The following ALCAM variants were observed in gnomAD, a reference collection of about 807,000 sequenced individuals.
ALCAM encodes CD166 antigen.
A neutral mutation model predicts 70.9 loss-of-function variants in ALCAM; 30 were observed. That is an observed-to-expected ratio of 0.42 (90% confidence interval 0.32 to 0.57). ALCAM has a LOEUF of 0.57. Among genes scored for constraint, ALCAM ranks in the 20% least tolerant of loss-of-function variants. The pLI, the probability that ALCAM is intolerant of heterozygous loss-of-function variation, is 0.11. For missense variants in ALCAM, 591 were observed against 695.1 expected, an observed-to-expected ratio of 0.85 and a Z score of 1.68; for synonymous variants, 249 against 242.5, an observed-to-expected ratio of 1.03 and a Z score of -0.25.
intron 14 of ALCAM, among the ~76,000 whole-genome samples, chr3:105,561,438 A>G (rs765448451): frequency 6.6e-6 from 1 of 152,064 alleles, no homozygotes; most frequent in Non-Finnish European, 1.5e-5. Context: ...CAGAATGGAC[A>G]CCTTTGCGTG....
At chr3:105,436,642 C>G (rs1937055706) in intron 1 of ALCAM, among the ~76,000 whole-genome samples, 1 of 152,104 alleles carries the variant, frequency 6.6e-6, no homozygotes, top group African/African-American at 2.4e-5. Flanking sequence ...ATTAATAGTT[C>G]TAGCAAAAGT....
At chr3:105,538,698 G>T (rs766199054) in intron 6 of ALCAM, among the ~76,000 whole-genome samples, 29 of 152,090 alleles carry the variant, frequency 1.9e-4, no homozygotes, top group Non-Finnish European at 3.7e-4. Context: ...AAGCAAGAGA[G>T]GCCCGGAAAC....
chr3:105,453,369 G>T (rs1404007883), intron 1 of ALCAM, among the ~76,000 whole-genome samples: 1 of 152,158 alleles, frequency 6.6e-6, no homozygotes, highest in Admixed American at 6.5e-5. Flanking sequence ...GCTTGTTGAA[G>T]ATTAGATGGT....
At chr3:105,452,325 T>G (rs1307487390) in intron 1 of ALCAM, among the ~76,000 whole-genome samples, 2 of 152,162 alleles carry the variant, frequency 1.3e-5, no homozygotes, top group Admixed American at 1.3e-4. Flanking sequence ...CATGCAGTAT[T>G]TGGTTTTCTG....
intron 1 of ALCAM, among the ~76,000 whole-genome samples, chr3:105,383,188 T>C (rs1253862620): frequency 6.6e-6 from 1 of 151,798 alleles, no homozygotes; most frequent in Non-Finnish European, 1.5e-5. Flanking sequence ...CTGATCTCTC[T>C]AAGGTGCCTG....
chr3:105,464,797 C>G (rs1445673021), intron 1 of ALCAM, among the ~76,000 whole-genome samples: 1 of 151,210 alleles, frequency 6.6e-6, no homozygotes, highest in Non-Finnish European at 1.5e-5. Context: ...TGCATGCCAT[C>G]CTTGAAGAAT....
At chr3:105,532,664 G>A (rs1939869931) in intron 4 of ALCAM, among the ~76,000 whole-genome samples, 1 of 152,096 alleles carries the variant, frequency 6.6e-6, no homozygotes, top group Admixed American at 6.6e-5. Flanking sequence ...CAAGCCAAAG[G>A]TAGAAATGGC....
chr3:105,484,296 T>TTA (rs764512481), intron 1 of ALCAM, among the ~76,000 whole-genome samples: 38 of 149,346 alleles, frequency 2.5e-4, no homozygotes, highest in African/African-American at 7.8e-4. Flanking sequence ...ATAATTTTAG[T>TTA]TATATATATA....
At chr3:105,522,001 A>G (rs888739929) in intron 2 of ALCAM, among the ~76,000 whole-genome samples, 6 of 152,196 alleles carry the variant, frequency 3.9e-5, no homozygotes, top group Non-Finnish European at 7.4e-5. Context: ...CACTTGTTCA[A>G]TCAAATTTGC....
intron 1 of ALCAM, among the ~76,000 whole-genome samples, chr3:105,443,377 T>C (rs1486097791): frequency 6.6e-6 from 1 of 152,220 alleles, no homozygotes; most frequent in East Asian, 1.9e-4. Flanking sequence ...TTGAAAACCA[T>C]ACTCTGCAAG....
Position 105,575,666 on chromosome 3 carries a change from A to T in ALCAM, c.*1215A>T, listed in dbSNP as rs1042405693. Reference sequence around the variant, plus strand: ...AGGAAATTTTTAAGGTGGTAGTATAAATGGAAACTTTTTGAAGTAGACCAG... The same window carrying T: ...AGGAAATTTTTAAGGTGGTAGTATATATGGAAACTTTTTGAAGTAGACCAG... On this transcript the variant is annotated 3_prime_UTR_variant, in exon 16 of 16. Transcript: ENST00000306107. The T allele has an allele frequency of 9.2e-5, 14 of 152,480 alleles. No individual in the cohort carries two copies. The highest frequency in any genetic ancestry group is 3.4e-4 in the African/African-American group (14 of 41,426). The allele number at this position is 152,480 out of a possible 1,614,324, so 9.4% of individuals were successfully genotyped here.
chr3:105,542,450 C>T (rs1940144141), intron 8 of ALCAM, among the ~76,000 whole-genome samples: 2 of 151,706 alleles, frequency 1.3e-5, no homozygotes. Context: ...TATTGATGTA[C>T]CTGATGAATC....
chr3:105,489,804 A>G (rs1279673404), intron 1 of ALCAM, among the ~76,000 whole-genome samples: 1 of 151,202 alleles, frequency 6.6e-6, no homozygotes, highest in Admixed American at 6.6e-5. Context: ...TGGAAGCTAC[A>G]TTCTCTGAAC....
intron 1 of ALCAM, among the ~76,000 whole-genome samples, chr3:105,474,604 A>AG (rs373366988): frequency 7.0e-6 from 1 of 143,028 alleles, no homozygotes; most frequent in Non-Finnish European, 1.5e-5. Context: ...CGAAAAAAAA[A>AG]GAGAGAGAGA....
intron 2 of ALCAM, among the ~76,000 whole-genome samples, chr3:105,521,877 C>T (rs1262812181): frequency 6.6e-6 from 1 of 152,138 alleles, no homozygotes; most frequent in Non-Finnish European, 1.5e-5. Flanking sequence ...CTCGAGGTAA[C>T]TTTGAACTAT....
At chr3:105,424,192 A>T (rs1011785341) in intron 1 of ALCAM, among the ~76,000 whole-genome samples, 1 of 151,654 alleles carries the variant, frequency 6.6e-6, no homozygotes, top group South Asian at 2.1e-4. Context: ...ATAAAAACAT[A>T]TGTAAAGAAT....
At chr3:105,538,938 T>G (rs1287823432) in intron 6 of ALCAM, among the ~76,000 whole-genome samples, 1 of 152,106 alleles carries the variant, frequency 6.6e-6, no homozygotes, top group African/African-American at 2.4e-5. Flanking sequence ...TATCTGCACT[T>G]TATCTATAGA....
intron 1 of ALCAM, among the ~76,000 whole-genome samples, chr3:105,504,871 T>C (rs1230483329): frequency 2.0e-5 from 3 of 152,090 alleles, no homozygotes; most frequent in Non-Finnish European, 2.9e-5. Flanking sequence ...TCTACCCAGC[T>C]CTTCCCTTCC....
chr3:105,544,915 A>ATTTTTTTT, intron 8 of ALCAM: 2 of 275,466 alleles, frequency 7.3e-6, no homozygotes, highest in Non-Finnish European at 1.4e-5. Context: ...GTGACTTAAG[A>ATTTTTTTT]TTTTTTTTTC....
Sources: gnomAD v4.1 joint callset for allele counts (sites outside exome capture counted in the v4.1 genomes callset) on GRCh38, gnomAD v4.1.1 for gene constraint, MANE v1.5 for transcripts, NCBI Gene and HGNC (gene_info 2026-07-23, HGNC 2026-07-21) for gene names.